CCDC141: variants seen among roughly 807,000 people sequenced by gnomAD.
CCDC141 encodes coiled-coil domain containing 141.
CCDC141 carries 168 observed loss-of-function variants against 181.0 expected under a neutral mutation model. That is an observed-to-expected ratio of 0.93 (90% CI 0.82 to 1.05). The LOEUF is 1.05. CCDC141 is among the 50% of genes least tolerant of loss of function. The probability of loss-of-function intolerance (pLI) is 0.00; values close to 1 mark genes in which losing one functional copy is unlikely to be tolerated. For synonymous variants in CCDC141, 666 were observed against 642.3 expected (o/e 1.04, Z -0.56); for missense variants, 1,902 against 1,788.5 (o/e 1.06, Z -1.14).
intron 14 of CCDC141, among the ~76,000 whole-genome samples, chr2:178,871,187 A>T (rs1482409891): frequency 6.6e-6 from 1 of 152,222 alleles, no homozygotes; most frequent in Non-Finnish European, 1.5e-5. Flanking sequence ...GAATTTTAAA[A>T]ATCTAATATA....
intron 6 of CCDC141, among the ~76,000 whole-genome samples, chr2:178,937,198 G>A (rs1689326287): frequency 6.6e-6 from 1 of 152,158 alleles, no homozygotes; most frequent in African/African-American, 2.4e-5. Flanking sequence ...TCCAGCATTT[G>A]CCCATTCAGT....
chr2:179,010,269 C>T (rs959618150), intron 2 of CCDC141, among the ~76,000 whole-genome samples: 21 of 152,078 alleles, frequency 1.4e-4, no homozygotes, highest in African/African-American at 5.1e-4. Flanking sequence ...TTGCTAGAGA[C>T]CTAGACATCC....
chr2:178,829,359 G>A (rs1271643228), downstream of CCDC141, among the ~76,000 whole-genome samples: 2 of 152,232 alleles, frequency 1.3e-5, no homozygotes, highest in Non-Finnish European at 2.9e-5. Context: ...ACAGAAGGAA[G>A]AGTGAGCAGG....
intron 2 of CCDC141, among the ~76,000 whole-genome samples, chr2:179,035,191 T>C (rs1233256178): frequency 6.6e-6 from 1 of 152,178 alleles, no homozygotes; most frequent in Non-Finnish European, 1.5e-5. Flanking sequence ...ATGATAGTCA[T>C]ATCTTTGAAT....
the CCDC141 span, among the ~76,000 whole-genome samples, chr2:178,815,143 C>T: frequency 6.6e-6 from 1 of 152,126 alleles, no homozygotes; most frequent in Non-Finnish European, 1.5e-5. Context: ...GTTGCCCAGT[C>T]TGTAGTACAT....
intron 2 of CCDC141, among the ~76,000 whole-genome samples, chr2:178,987,420 T>C (rs554388617): frequency 1.3e-5 from 2 of 152,196 alleles, no homozygotes; most frequent in Non-Finnish European, 2.9e-5. Context: ...AAGGACTTCA[T>C]GTCTAAAACA....
At chr2:178,872,382 A>G (rs1360002216) in intron 12 of CCDC141, 70 bp from the exon 13 acceptor site, 1 of 1,356,218 alleles carries the variant, frequency 7.4e-7, no homozygotes, top group African/African-American at 1.5e-5. Flanking sequence ...GTATATAACT[A>G]TTTTACGAGG....
At chr2:178,873,677 C>T (rs574479776) in intron 12 of CCDC141, 6 of 152,140 alleles carry the variant, frequency 3.9e-5, no homozygotes, top group South Asian at 2.1e-4. Flanking sequence ...ATTTGGCAGA[C>T]GAATATTTTG....
chr2:178,982,231 C>G (rs1281114537), intron 2 of CCDC141, among the ~76,000 whole-genome samples: 1 of 152,030 alleles, frequency 6.6e-6, no homozygotes, highest in Non-Finnish European at 1.5e-5. Flanking sequence ...AGAAATGATG[C>G]TAAAGCTACT....
intron 4 of CCDC141, among the ~76,000 whole-genome samples, chr2:178,968,115 T>G (rs1244033423): frequency 1.3e-5 from 2 of 152,156 alleles, no homozygotes; most frequent in Non-Finnish European, 2.9e-5. Flanking sequence ...CAAAGAGACT[T>G]AGACTCCCAT....
intron 2 of CCDC141, among the ~76,000 whole-genome samples, chr2:179,030,063 C>A (rs2042960935): frequency 6.6e-6 from 1 of 152,054 alleles, no homozygotes; most frequent in African/African-American, 2.4e-5. Context: ...GCTATAAACA[C>A]TGATAGAACA....
At chr2:179,017,308 A>G (rs1057407998) in intron 2 of CCDC141, among the ~76,000 whole-genome samples, 21 of 152,150 alleles carry the variant, frequency 1.4e-4, no homozygotes, top group African/African-American at 4.1e-4. Context: ...ATTCTATTGT[A>G]AACTAAAGAA....
chr2:179,050,089 G>T lies in CCDC141; in HGVS notation c.-148C>A. On this transcript the variant is annotated 5_prime_UTR_variant, in exon 1 of 24. Coordinates refer to ENST00000443758, the MANE Select transcript of CCDC141 (RefSeq NM_173648.4). ...ACTCTGCCAAAAGGAAAGAACAGGA[G>T]GTTAAAAATAGACAACCCCATTGAG... The T allele has an allele frequency of 7.9e-7, 1 of 1,270,578 alleles. No homozygotes were observed. The allele number at this position is 1,270,578 out of a possible 1,614,324, so 78.7% of individuals were successfully genotyped here.
chr2:179,046,406 A>G (rs970092910), intron 2 of CCDC141, among the ~76,000 whole-genome samples: 18 of 152,246 alleles, frequency 1.2e-4, no homozygotes, highest in African/African-American at 4.1e-4. Context: ...ATGTGGTCCT[A>G]TCTCCTGGAT....
chr2:178,885,066 A>G lies in CCDC141; in HGVS notation c.1554T>C (p.Ala518=). Residue 518 remains alanine (A), a synonymous_variant, in exon 11 of 24, where the codon GCT becomes GCC. Coordinates refer to ENST00000443758, the MANE Select transcript of CCDC141 (RefSeq NM_173648.4). The part of the protein sequence containing the change: ...AKETSHELEA[A]AKTMMEKNEF... Reference sequence around the variant, plus strand: ...CATTTTTCTCCATCATGGTTTTTGCAGCTGCTTCTAATTCATGTGATGTCT... The same window carrying G: ...CATTTTTCTCCATCATGGTTTTTGCGGCTGCTTCTAATTCATGTGATGTCT... 1 of 1,550,066 alleles carries G rather than the reference A, an allele frequency of 6.5e-7. No individual in the cohort carries two copies. The highest frequency in any genetic ancestry group is 2.4e-5 in the East Asian group (1 of 40,918).
At chr2:178,825,852 C>T (rs941575234), downstream of CCDC141, among the ~76,000 whole-genome samples, 2 of 152,144 alleles carry the variant, frequency 1.3e-5, 1 homozygote, top group Non-Finnish European at 2.9e-5. Flanking sequence ...TTTTGCTATA[C>T]TCTGATTAGT....
intron 2 of CCDC141, among the ~76,000 whole-genome samples, chr2:179,041,491 G>GTT (rs35229059): frequency 0.089 from 5,261 of 59,248 alleles, 583 homozygotes; most frequent in South Asian, 0.17. Context: ...TTGGTTGTGG[G>GTT]TTTTTTTTTT....
intron 2 of CCDC141, among the ~76,000 whole-genome samples, chr2:178,994,834 C>T (rs930658842): frequency 3.9e-5 from 6 of 152,140 alleles, no homozygotes; most frequent in African/African-American, 1.4e-4. Context: ...CAAAGTTCCA[C>T]AAATCTATAG....
At chr2:178,965,790 G>T (rs555838123) in intron 4 of CCDC141, among the ~76,000 whole-genome samples, 1 of 152,172 alleles carries the variant, frequency 6.6e-6, no homozygotes, top group Non-Finnish European at 1.5e-5. Context: ...CCTGGAAAGG[G>T]GTGCTAAAGC....
Sources: allele counts gnomAD v4.1 joint callset (sites outside exome capture counted in the v4.1 genomes callset), GRCh38; gene constraint gnomAD v4.1.1; transcripts MANE v1.5; gene names NCBI Gene and HGNC (gene_info 2026-07-23, HGNC 2026-07-21).